CAPZA2: variants seen among roughly 807,000 people sequenced by gnomAD.
The protein encoded by CAPZA2 is capping actin protein of muscle Z-line subunit alpha 2, also known as F-actin-capping protein subunit alpha-2.
A neutral mutation model predicts 44.0 loss-of-function variants in CAPZA2; 13 were observed. The observed-to-expected ratio is 0.30, with a 90% confidence interval of 0.19 to 0.47. The LOEUF (loss-of-function observed/expected upper bound fraction) is 0.47. CAPZA2 is among the 20% of genes least tolerant of loss of function. The pLI is 1.00. For missense variants in CAPZA2, 244 were observed against 338.6 expected, an observed-to-expected ratio of 0.72 and a Z score of 2.19; for synonymous variants, 94 against 108.2, an observed-to-expected ratio of 0.87 and a Z score of 0.81.
At chr7:116,887,993 GA>G in intron 1 of CAPZA2, 133 bp from the exon 2 acceptor site, 1 of 618,574 alleles carries the variant, frequency 1.6e-6, no homozygotes, top group East Asian at 2.7e-5. Context: ...GTGATTGAGT[GA>G]AAAAGTATCA....
intron 5 of CAPZA2, among the ~76,000 whole-genome samples, chr7:116,905,778 G>A (rs1336834656): frequency 1.3e-5 from 2 of 152,124 alleles, no homozygotes; most frequent in East Asian, 3.9e-4. Flanking sequence ...ATAGCATTGT[G>A]ATACATCACA....
At chr7:116,885,324 T>A (rs994737181) in intron 1 of CAPZA2, among the ~76,000 whole-genome samples, 1 of 151,998 alleles carries the variant, frequency 6.6e-6, no homozygotes, top group African/African-American at 2.4e-5. Context: ...ACAAAACACC[T>A]ATGTTTTTTT....
intron 5 of CAPZA2, 77 bp from the exon 6 acceptor site, chr7:116,906,186 A>C: frequency 6.4e-7 from 1 of 1,555,696 alleles, no homozygotes; most frequent in Non-Finnish European, 8.6e-7. Flanking sequence ...TACAATTTGC[A>C]GTATTTTATA....
chr7:116,881,486 T>C lies in CAPZA2; in HGVS notation c.40-6641T>C, dbSNP rs191671273. Among the ~76,000 whole-genome samples the C allele has an allele frequency of 3.3e-5, 5 of 152,176 alleles. No individual in the cohort carries two copies. In the East Asian group the frequency reaches 9.7e-4, roughly 29 times the overall value. Reference sequence around the variant, plus strand: ...TGGGCACAGTGGCTCACACCTGTAATCCCAGCACTTCGGGAGGCCAAGGTG... The same window carrying C: ...TGGGCACAGTGGCTCACACCTGTAACCCCAGCACTTCGGGAGGCCAAGGTG... On this transcript the variant is annotated intron_variant, in intron 1 of 9. Transcript: ENST00000361183.
At chr7:116,914,157 A>C (rs1190409644) in intron 8 of CAPZA2, among the ~76,000 whole-genome samples, 1 of 150,532 alleles carries the variant, frequency 6.6e-6, no homozygotes, top group East Asian at 2.0e-4. Flanking sequence ...CCTCCCGAGT[A>C]GCTGGGACTA....
intron 8 of CAPZA2, among the ~76,000 whole-genome samples, chr7:116,914,650 G>A (rs571587125): frequency 6.6e-6 from 1 of 152,050 alleles, no homozygotes; most frequent in Non-Finnish European, 1.5e-5. Flanking sequence ...TAGAGATGGG[G>A]TCTCACCATA....
At chr7:116,912,383 C>T (rs1202109272) in intron 8 of CAPZA2, among the ~76,000 whole-genome samples, 2 of 151,314 alleles carry the variant, frequency 1.3e-5, no homozygotes, top group Non-Finnish European at 2.9e-5. Context: ...TTGTATATTA[C>T]TAACAGGGTT....
chr7:116,908,113 T>A (rs1791541582), intron 6 of CAPZA2, among the ~76,000 whole-genome samples: 2 of 150,664 alleles, frequency 1.3e-5, no homozygotes, highest in South Asian at 4.2e-4. Context: ...AAAAAAAAAT[T>A]AGCCAGGCAT....
rs1796832336 is a variant in CAPZA2 at position 116,890,613 on chromosome 7, CAT to C, written c.104-2375_104-2374del. On this transcript the variant is annotated intron_variant, in intron 2 of 9. Transcript: ENST00000361183. ...ATATATATATACACACACACACACA[CAT>C]ATATACAAAAATTAGCAGGGTGTGG... Among the ~76,000 whole-genome samples, 3 of 68,960 alleles carry C rather than the reference CAT, an allele frequency of 4.4e-5. No individual in the cohort carries two copies. In the South Asian group the frequency reaches 1.7e-3, roughly 38 times the overall value. 45.2% of individuals were successfully genotyped at this position (68,960 alleles called of 152,430 possible).
Position 116,914,264 on chromosome 7 carries a change from C to T in CAPZA2, c.658-1796C>T, listed in dbSNP as rs551261385. On this transcript the variant is annotated intron_variant, in intron 8 of 9. Transcript: ENST00000361183. The stretch of plus-strand genomic sequence containing the variant: ...CAGGATGGTCTCGATCTCCTGACCT[C>T]GTGATCCACCCACCTCGGCCTCCCA... Among the ~76,000 whole-genome samples the T allele has an allele frequency of 6.1e-3, 932 of 151,966 alleles. 5 individuals carry two copies. The highest frequency in any genetic ancestry group is 1.0e-2 in the Non-Finnish European group (679 of 67,932).
rs549312089 is a variant in CAPZA2, at chr7:116,898,399, T to G, written c.156-373T>G. Among the ~76,000 whole-genome samples the G allele has an allele frequency of 7.2e-5, 11 of 152,280 alleles. No individual in the cohort carries two copies. In the East Asian group the frequency reaches 2.1e-3, roughly 29 times the overall value. ...TAGGCCTTTGATCAGAGAATGTATCTAAGTATTCTTTGCATCTCTTACAGC... is the reference window on the plus strand; with the variant it reads ...TAGGCCTTTGATCAGAGAATGTATCGAAGTATTCTTTGCATCTCTTACAGC... On this transcript the variant is annotated intron_variant, in intron 3 of 9. Coordinates refer to ENST00000361183, the MANE Select transcript of CAPZA2 (RefSeq NM_006136.3).
chr7:116,865,094 C>G (rs189044152), intron 1 of CAPZA2, among the ~76,000 whole-genome samples: 1 of 151,794 alleles, frequency 6.6e-6, no homozygotes, highest in East Asian at 1.9e-4. Context: ...AAGTAGTTCA[C>G]CCAAGGACGG....
intron 8 of CAPZA2, 64 bp from the exon 9 acceptor site, chr7:116,915,996 T>G: frequency 3.7e-6 from 4 of 1,080,048 alleles, no homozygotes; most frequent in Non-Finnish European, 5.2e-6. Context: ...ACCATACATA[T>G]ATTTTAAAAT....
At chr7:116,901,874 C>T (rs10085533) in intron 4 of CAPZA2, among the ~76,000 whole-genome samples, 3,261 of 89,744 alleles carry the variant, frequency 0.036, 131 homozygotes, top group African/African-American at 0.13. Context: ...CTTGAAATAA[C>T]GAAGAAATGT....
At chr7:116,911,425 A>G (rs1237616732) in intron 7 of CAPZA2, among the ~76,000 whole-genome samples, 3 of 152,214 alleles carry the variant, frequency 2.0e-5, no homozygotes, top group African/African-American at 7.2e-5. Context: ...TACAAGGCCC[A>G]GAGTTGACTG....
intron 1 of CAPZA2, among the ~76,000 whole-genome samples, chr7:116,868,076 T>A (rs1456652394): frequency 6.6e-6 from 1 of 152,222 alleles, no homozygotes; most frequent in Non-Finnish European, 1.5e-5. Context: ...ACTTTGAGTG[T>A]TGGTACTGCT....
chr7:116,887,487 C>T (rs1345617774), intron 1 of CAPZA2, among the ~76,000 whole-genome samples: 2 of 151,158 alleles, frequency 1.3e-5, no homozygotes, highest in Non-Finnish European at 2.9e-5. Flanking sequence ...AAGATCACAC[C>T]ACTGCACTCC....
At chr7:116,879,690 C>G (rs558523766) in intron 1 of CAPZA2, among the ~76,000 whole-genome samples, 2 of 152,278 alleles carry the variant, frequency 1.3e-5, no homozygotes, top group East Asian at 3.9e-4. Context: ...CCTCACCTCC[C>G]TGCTGTGTGA....
At chr7:116,871,168 C>T (rs1217637721) in intron 1 of CAPZA2, among the ~76,000 whole-genome samples, 2 of 152,054 alleles carry the variant, frequency 1.3e-5, no homozygotes, top group African/African-American at 4.8e-5. Flanking sequence ...ATACTTTATA[C>T]TTTGATTTGA....
Sources: allele counts gnomAD v4.1 joint callset (sites outside exome capture counted in the v4.1 genomes callset), GRCh38; gene constraint gnomAD v4.1.1; transcripts MANE v1.5; gene names NCBI Gene and HGNC (gene_info 2026-07-23, HGNC 2026-07-21).